Variants in FSIP2 observed in about 807,000 individuals in gnomAD.
The protein encoded by FSIP2 is fibrous sheath-interacting protein 2.
FSIP2 carries 367 observed loss-of-function variants against 510.5 expected under a neutral mutation model. The ratio of observed to expected loss-of-function variants is 0.72; its 90% confidence interval spans 0.66 to 0.78. FSIP2 has a LOEUF of 0.78. Among genes scored for constraint, FSIP2 ranks in the 30% least tolerant of loss-of-function variants. FSIP2 has a pLI of 0.00. For missense variants in FSIP2, 7,594 were observed against 7,901.7 expected (o/e 0.96, Z 1.48); for synonymous variants, 2,601 against 2,732.2 (o/e 0.95, Z 1.50).
At position 185,792,966 on chromosome 2, in the gene FSIP2, G is replaced by A. The variant is rs186500852; in HGVS notation, c.5830G>A (p.Val1944Ile). 2.0e-6 allele frequency: 3 copies of A among 1,534,116 alleles called. No individual in the cohort carries two copies. The African/African-American group carries it at 4.1e-5, about 21-fold the overall frequency. Residue 1944 changes from valine to isoleucine, a missense_variant, in exon 16 of 23, where the codon GTC (valine) becomes ATC (isoleucine). Physicochemically the swap from Val to Ile is conservative, Grantham distance 29 (BLOSUM62 3). Coordinates refer to ENST00000424728, the MANE Select transcript of FSIP2 (RefSeq NM_173651.4). ...AGTAAAATCTCTCTTTTATTCTCAA[G>A]TCAACTTTACAGTTCCAGTGGCTTT... ...SKVKSLFYSQ[V>I]NFTVPVALPI...
Position 185,739,335 on chromosome 2 carries a change from G to C in FSIP2, c.100-11G>C. The C allele has an allele frequency of 6.6e-7, 1 of 1,519,560 alleles. No individual in the cohort carries two copies. Among genetic ancestry groups the C allele is most frequent in the South Asian group, 1.2e-5 (1 of 81,958 alleles). 94.1% of individuals were successfully genotyped at this position (1,519,560 alleles called of 1,614,324 possible). On this transcript the variant is annotated splice_polypyrimidine_tract_variant and intron_variant, in intron 1 of 22. Coordinates refer to ENST00000424728, the MANE Select transcript of FSIP2 (RefSeq NM_173651.4). ...AAAGGAAAGACAAAACTCTCCAATT[G>C]TGTCTGACAGGGCGTGCACAAAACC...
At position 185,803,885 on chromosome 2, in the gene FSIP2, T is replaced by C; in HGVS notation, c.14579T>C (p.Ile4860Thr). 6.6e-7 allele frequency: 1 copy of C among 1,524,700 alleles called. No homozygotes were observed. Among genetic ancestry groups the C allele is most frequent in the Non-Finnish European group, 8.8e-7 (1 of 1,139,154 alleles). The allele number at this position is 1,524,700 out of a possible 1,614,324, so 94.4% of individuals were successfully genotyped here. A position where few individuals can be genotyped will look rare whatever the true frequency, so the allele number is the denominator to read the frequency against. ...CAGAGTATGATTTCAGCAAAAGATA[T>C]CCAGTCTATGGTTGATTCCATTTAT... ...KKQSMISAKD[I>T]QSMVDSIYAD... Residue 4860 changes from isoleucine to threonine, a missense_variant, in exon 17 of 23, where the codon ATC (isoleucine) becomes ACC (threonine). Physicochemically the swap from Ile to Thr is moderately conservative, Grantham distance 89. Coordinates refer to ENST00000424728, the MANE Select transcript of FSIP2 (RefSeq NM_173651.4).
Position 185,803,758 on chromosome 2 carries a change from A to G in FSIP2, c.14452A>G (p.Thr4818Ala), listed in dbSNP as rs1446583788. 5.9e-6 allele frequency: 9 copies of G among 1,530,926 alleles called. No homozygotes were observed. In the African/African-American group the frequency reaches 1.2e-4, roughly 21 times the overall value. 94.8% of individuals were successfully genotyped at this position (1,530,926 alleles called of 1,614,324 possible). The change falls in exon 17 of 23, where the codon ACT becomes GCT. Residue 4818 changes from threonine to alanine, a missense_variant. By Grantham distance (58) the Thr-to-Ala change is moderately conservative. Coordinates refer to ENST00000424728, the MANE Select transcript of FSIP2 (RefSeq NM_173651.4). ...CACCAGTGCAGAGCAGTCAGATACT[A>G]CTAAATCAGACTTAAGTAATACAGT... ...LNTSAEQSDT[T>A]KSDLSNTVIK...
At chr2:185,809,403 A>G (rs1305090054) in intron 17 of FSIP2, among the ~76,000 whole-genome samples, 1 of 152,074 alleles carries the variant, frequency 6.6e-6, no homozygotes. Flanking sequence ...GATTGTAAGC[A>G]CATACCCTTC....
In FSIP2 at chr2:185,796,713, G is replaced by A. The variant is rs1693289664; in HGVS notation, c.9577G>A (p.Asp3193Asn). Residue 3193 changes from aspartate to asparagine, a missense_variant, in exon 16 of 23, where the codon GAT becomes AAT. By Grantham distance (23) the Asp-to-Asn change is conservative. Transcript: ENST00000424728. ...VSKTGFVFCSDEDMKEKYRVS... is the reference protein window; with the variant it reads ...VSKTGFVFCSNEDMKEKYRVS... ...TAAAACTGGGTTTGTGTTTTGTTCA[G>A]ATGAAGATATGAAAGAAAAGTACAG... is the stretch of plus-strand genomic sequence containing the variant. 9 of 1,535,066 alleles carry A rather than the reference G, an allele frequency of 5.9e-6. No homozygotes were observed. Among genetic ancestry groups the A allele is most frequent in the African/African-American group, 1.4e-5 (1 of 73,044 alleles).
intron 13 of FSIP2, among the ~76,000 whole-genome samples, chr2:185,767,346 TAAAA>T (rs960599959): frequency 6.6e-6 from 1 of 150,992 alleles, no homozygotes; most frequent in Admixed American, 6.6e-5. Flanking sequence ...AAATAAAAAA[TAAAA>T]AAAAGAGCTA....
intron 15 of FSIP2, among the ~76,000 whole-genome samples, chr2:185,787,006 T>C (rs114217771): frequency 6.9e-4 from 105 of 151,960 alleles, no homozygotes; most frequent in African/African-American, 2.4e-3. Context: ...CCCTCTTTTA[T>C]ATATTGAGGT....
intron 13 of FSIP2, among the ~76,000 whole-genome samples, chr2:185,773,762 C>G (rs1187306180): frequency 6.6e-6 from 1 of 152,122 alleles, no homozygotes; most frequent in Non-Finnish European, 1.5e-5. Flanking sequence ...AAATCTATTT[C>G]TGTTGACTAA....
chr2:185,746,857 T>C (rs544698810), intron 6 of FSIP2, 47 bp downstream of exon 6: 4 of 1,295,864 alleles, frequency 3.1e-6, no homozygotes, highest in South Asian at 1.5e-5. Flanking sequence ...TTGTGTACAG[T>C]TGTTGCATTT....
chr2:185,753,031 C>T (rs893696241), intron 7 of FSIP2, among the ~76,000 whole-genome samples: 2 of 151,170 alleles, frequency 1.3e-5, no homozygotes, highest in African/African-American at 4.8e-5. Flanking sequence ...TAGTTGTTTC[C>T]TACTACTGAG....
rs1430738673 is a variant in FSIP2, at chr2:185,805,892, C to T, written c.16586C>T (p.Thr5529Ile). 9.3e-6 allele frequency: 15 copies of T among 1,608,016 alleles called. No homozygotes were observed. The highest frequency in any genetic ancestry group is 1.7e-5 in the Admixed American group (1 of 59,012). The change falls in exon 17 of 23, where the codon ACT becomes ATT. Residue 5529 changes from threonine to isoleucine, a missense_variant. Transcript: ENST00000424728. ...EVDENKVGIC[T>I]QKHSENVSKV... ...GATGAAAATAAAGTGGGAATTTGTACTCAAAAACATAGTGAGAATGTATCA... is the reference window on the plus strand; with the variant it reads ...GATGAAAATAAAGTGGGAATTTGTATTCAAAAACATAGTGAGAATGTATCA...
rs1266828714 is a variant in FSIP2 at position 185,802,799 on chromosome 2, CAA to C, written c.13494_13495del (p.Arg4499SerfsTer5). The C allele has an allele frequency of 2.0e-6, 3 of 1,520,676 alleles. No homozygotes were observed. Among genetic ancestry groups the C allele is most frequent in the African/African-American group, 1.4e-5 (1 of 72,036 alleles). The allele number at this position is 1,520,676 out of a possible 1,614,324, so 94.2% of individuals were successfully genotyped here. ...AACAGAGACACCCAAAAAGATATAT[CAA>C]GAGTGAATTTCAATGACATTGCTTC... On this transcript the variant is annotated frameshift_variant, in exon 17 of 23. Transcript: ENST00000424728. LOFTEE classifies it high-confidence loss of function.
intron 13 of FSIP2, among the ~76,000 whole-genome samples, chr2:185,768,345 CAA>C (rs2105570673): frequency 6.6e-6 from 1 of 152,202 alleles, no homozygotes; most frequent in East Asian, 1.9e-4. Flanking sequence ...TTGCCCAGAT[CAA>C]CATCAAGAAG....
chr2:185,833,163 G>A lies in FSIP2; in HGVS notation c.20661G>A (p.Val6887=). ...LTKMSSTLSK[V]FSQCNTNISR... is the part of the protein sequence containing the mutation. The stretch of plus-strand genomic sequence containing the variant: ...AAATGTCTTCAACTTTGTCAAAGGT[G>A]TTTTCTCAATGTAACACCAATATTT... Residue 6887 remains valine (V), a synonymous_variant, in exon 23 of 23, where the codon GTG becomes GTA. Coordinates refer to ENST00000424728, the MANE Select transcript of FSIP2 (RefSeq NM_173651.4). 2 of 1,610,914 alleles carry A rather than the reference G, an allele frequency of 1.2e-6. No homozygotes were observed. The highest frequency in any genetic ancestry group is 1.7e-6 in the Non-Finnish European group (2 of 1,177,970).
At position 185,803,770 on chromosome 2, in the gene FSIP2, T is replaced by G; in HGVS notation, c.14464T>G (p.Leu4822Val). 6.5e-7 allele frequency: 1 copy of G among 1,530,540 alleles called. No individual in the cohort carries two copies. Among genetic ancestry groups the G allele is most frequent in the African/African-American group, 1.4e-5 (1 of 72,840 alleles). 94.8% of individuals were successfully genotyped at this position (1,530,540 alleles called of 1,614,324 possible). ...AEQSDTTKSD[L>V]SNTVIKLINE... ...GCAGTCAGATACTACTAAATCAGAC[T>G]TAAGTAATACAGTGATAAAACTGAT... The change falls in exon 17 of 23, where the codon TTA becomes GTA. Residue 4822 changes from leucine to valine, a missense_variant. Transcript: ENST00000424728.
At position 185,803,430 on chromosome 2, in the gene FSIP2, A is replaced by C; in HGVS notation, c.14124A>C (p.Glu4708Asp). The change falls in exon 17 of 23, where the codon GAA becomes GAC. Residue 4708 changes from glutamate to aspartate, a missense_variant. Glu to Asp is a conservative substitution (Grantham distance 45, BLOSUM62 2). Transcript: ENST00000424728. ...TGGTGTACAGCAAAGTTTTGCAAGA[A>C]TATGAAATGGAAGTCGTGCCCAATA... ...VDMVYSKVLQ[E>D]YEMEVVPNKD... 1 of 1,531,348 alleles carries C rather than the reference A, an allele frequency of 6.5e-7. No individual in the cohort carries two copies. The highest frequency in any genetic ancestry group is 8.7e-7 in the Non-Finnish European group (1 of 1,144,304). The allele number at this position is 1,531,348 out of a possible 1,614,324, so 94.9% of individuals were successfully genotyped here. A position where few individuals can be genotyped will look rare whatever the true frequency, so the allele number is the denominator to read the frequency against.
intron 7 of FSIP2, among the ~76,000 whole-genome samples, 192 bp from the exon 8 acceptor site, chr2:185,753,530 A>G (rs1692187935): frequency 6.6e-6 from 1 of 151,480 alleles, no homozygotes; most frequent in Non-Finnish European, 1.5e-5. Context: ...AATTGCATAC[A>G]TGTTAAATAT....
rs1424137094 is a variant in FSIP2 at position 185,793,729 on chromosome 2, G to A, written c.6593G>A (p.Cys2198Tyr). 9.1e-6 allele frequency: 14 copies of A among 1,534,364 alleles called. No individual in the cohort carries two copies. In the East Asian group the frequency reaches 3.2e-4, roughly 35 times the overall value. The change falls in exon 16 of 23, where the codon TGT becomes TAT. Residue 2198 changes from cysteine (C) to tyrosine (Y), a missense_variant. By Grantham distance (194) the Cys-to-Tyr change is radical. Transcript: ENST00000424728. ...TFCDTFPKIDCQQPLKGSKTE... is the reference protein window; with the variant it reads ...TFCDTFPKIDYQQPLKGSKTE... The stretch of plus-strand genomic sequence containing the variant: ...TGTGATACGTTTCCAAAAATAGACT[G>A]TCAACAGCCTCTTAAGGGGTCAAAA...
Position 185,804,026 on chromosome 2 carries a change from A to G in FSIP2, c.14720A>G (p.His4907Arg). 3.3e-6 allele frequency: 5 copies of G among 1,503,678 alleles called. No homozygotes were observed. Among genetic ancestry groups the G allele is most frequent in the Non-Finnish European group, 4.4e-6 (5 of 1,129,960 alleles). 93.1% of individuals were successfully genotyped at this position (1,503,678 alleles called of 1,614,324 possible). A position where few individuals can be genotyped will look rare whatever the true frequency, so the allele number is the denominator to read the frequency against. Residue 4907 changes from histidine (H) to arginine (R), a missense_variant, in exon 17 of 23, where the codon CAT becomes CGT. By Grantham distance (29) the His-to-Arg change is conservative (BLOSUM62 0). Transcript: ENST00000424728. ...ATAATAAAAGAAATCTTTAACCATCATATTCAATCATTTTTATCTGAAGAT... is the reference window on the plus strand; with the variant it reads ...ATAATAAAAGAAATCTTTAACCATCGTATTCAATCATTTTTATCTGAAGAT... ...SFIIKEIFNH[H>R]IQSFLSEDKT...
Sources: allele counts gnomAD v4.1 joint callset (sites outside exome capture counted in the v4.1 genomes callset), GRCh38; gene constraint gnomAD v4.1.1; transcripts MANE v1.5; gene names NCBI Gene and HGNC (gene_info 2026-07-23, HGNC 2026-07-21).